OTOGL: variants seen among roughly 807,000 people sequenced by gnomAD.
The protein encoded by OTOGL is otogelin like, also known as otogelin-like protein.
In OTOGL, 285 loss-of-function variants were observed where a neutral mutation model predicts 318.5. The observed-to-expected ratio is 0.89, with a 90% confidence interval of 0.81 to 0.99. OTOGL has a LOEUF of 0.99. Among genes scored for constraint, OTOGL ranks in the 50% least tolerant of loss-of-function variants. The pLI is 0.00. For synonymous variants in OTOGL, 987 were observed against 936.5 expected, an observed-to-expected ratio of 1.05 and a Z score of -0.99; for missense variants, 2,899 against 2,845.6, an observed-to-expected ratio of 1.02 and a Z score of -0.43.
intron 52 of OTOGL, among the ~76,000 whole-genome samples, chr12:80,363,647 A>G (rs1180388394): frequency 6.6e-6 from 1 of 152,184 alleles, no homozygotes; most frequent in South Asian, 2.1e-4. Context: ...AAACATTACA[A>G]TGGCCAGTGG....
chr12:80,261,230 G>A (rs971597606), intron 18 of OTOGL, among the ~76,000 whole-genome samples: 2 of 152,128 alleles, frequency 1.3e-5, no homozygotes, highest in Non-Finnish European at 1.5e-5. Context: ...CTTCCTGCAG[G>A]AGATCTAGTT....
At chr12:80,183,895 A>G (rs1168072047) in intron 1 of OTOGL, among the ~76,000 whole-genome samples, 1 of 152,162 alleles carries the variant, frequency 6.6e-6, no homozygotes, top group East Asian at 1.9e-4. Flanking sequence ...CCCTAGGGAC[A>G]TTTCATTAAT....
chr12:80,326,937 G>A (rs1178128955), intron 35 of OTOGL, among the ~76,000 whole-genome samples: 4 of 152,140 alleles, frequency 2.6e-5, no homozygotes, highest in Admixed American at 2.6e-4. Flanking sequence ...GGAATGAAAC[G>A]AGGCCTTCAA....
In OTOGL at chr12:80,265,112, G is replaced by A. The variant is rs1254089492; in HGVS notation, c.2126G>A (p.Cys709Tyr). ...YQLCRHDACK[C>Y]GSSCLCNALA... Reference sequence around the variant, plus strand: ...CTATGCCGCCACGATGCATGCAAGTGTGGAAGCTCCTGCCTGTGCAATGCT... The same window carrying A: ...CTATGCCGCCACGATGCATGCAAGTATGGAAGCTCCTGCCTGTGCAATGCT... The change falls in exon 20 of 59, where the codon TGT (cysteine) becomes TAT (tyrosine). Residue 709 changes from cysteine to tyrosine, a missense_variant. Physicochemically the swap from Cys to Tyr is radical, Grantham distance 194. Around this residue, in one of 3 missense-constraint regions of OTOGL, gnomAD observed 2,607 missense variants for 2,524.9 expected, o/e 1.03. Coordinates refer to ENST00000547103, the MANE Select transcript of OTOGL (RefSeq NM_001378609.3). 6 of 1,613,792 alleles carry A rather than the reference G, an allele frequency of 3.7e-6. No individual in the cohort carries two copies. The highest frequency in any genetic ancestry group is 1.3e-5 in the African/African-American group (1 of 74,934).
At chr12:80,352,783 C>A (rs905597219) in intron 45 of OTOGL, among the ~76,000 whole-genome samples, 2 of 152,222 alleles carry the variant, frequency 1.3e-5, no homozygotes, top group Non-Finnish European at 2.9e-5. Context: ...ACCCCACCAT[C>A]TGAGCATTTA....
At chr12:80,203,507 A>C (rs1478795631) in intron 1 of OTOGL, among the ~76,000 whole-genome samples, 2 of 152,162 alleles carry the variant, frequency 1.3e-5, no homozygotes, top group Non-Finnish European at 2.9e-5. Flanking sequence ...GGAGGGCAGC[A>C]CCATTATTCC....
chr12:80,370,715 A>T lies in OTOGL; in HGVS notation c.6735+26A>T, dbSNP rs1450667635. ...GTTTGTACTTTGTTGTATCTAAGAA[A>T]ATTTATTATTATATAATTTAGAAAA... is the stretch of plus-strand genomic sequence containing the variant. On this transcript the variant is annotated intron_variant, in intron 56 of 58. Transcript: ENST00000547103. The T allele has an allele frequency of 2.7e-6, 4 of 1,458,422 alleles. No individual in the cohort carries two copies. In the African/African-American group the frequency reaches 4.3e-5, roughly 16 times the overall value. 90.3% of individuals were successfully genotyped at this position (1,458,422 alleles called of 1,614,324 possible).
At chr12:80,288,715 A>G (rs1884816053) in intron 26 of OTOGL, among the ~76,000 whole-genome samples, 1 of 151,800 alleles carries the variant, frequency 6.6e-6, no homozygotes, top group Non-Finnish European at 1.5e-5. Context: ...TGCTTCACGA[A>G]GTTCTCATGT....
chr12:80,123,982 G>C (rs551576163), intron 1 of OTOGL, among the ~76,000 whole-genome samples: 5 of 152,194 alleles, frequency 3.3e-5, no homozygotes, highest in African/African-American at 1.2e-4. Context: ...CTCCCATTCT[G>C]TAGGTTGCCT....
At chr12:80,142,732 GTC>G (rs1288577503) in intron 1 of OTOGL, among the ~76,000 whole-genome samples, 1 of 152,098 alleles carries the variant, frequency 6.6e-6, no homozygotes, top group Admixed American at 6.6e-5. Context: ...GCATTAGATA[GTC>G]TTAGGAAAAG....
At chr12:80,341,331 T>C (rs1888756469) in intron 43 of OTOGL, among the ~76,000 whole-genome samples, 1 of 152,102 alleles carries the variant, frequency 6.6e-6, no homozygotes, top group Non-Finnish European at 1.5e-5. Flanking sequence ...ACAATAGTTG[T>C]CCCTATGTTG....
rs116352065 is a variant in OTOGL, at chr12:80,354,043, C to A, written c.5593+533C>A. Among the ~76,000 whole-genome samples the A allele has an allele frequency of 4.6e-3, 697 of 152,188 alleles. 8 individuals are homozygous for A. The highest frequency in any genetic ancestry group is 0.016 in the African/African-American group (660 of 41,546). On this transcript the variant is annotated intron_variant, in intron 46 of 58. Transcript: ENST00000547103. ...CCAAAACTCATGTTGAGGTTCGATCCTCCGTGTGGCAGTGCTGGGAGGTGT... is the reference window on the plus strand; with the variant it reads ...CCAAAACTCATGTTGAGGTTCGATCATCCGTGTGGCAGTGCTGGGAGGTGT...
At chr12:80,141,193 A>G (rs1193796047) in intron 1 of OTOGL, among the ~76,000 whole-genome samples, 1 of 152,136 alleles carries the variant, frequency 6.6e-6, no homozygotes, top group African/African-American at 2.4e-5. Context: ...TGGTGGTTTC[A>G]AGGGAAAAAG....
At chr12:80,230,106 C>T (rs529128010) in intron 8 of OTOGL, among the ~76,000 whole-genome samples, 3 of 151,954 alleles carry the variant, frequency 2.0e-5, no homozygotes, top group African/African-American at 4.8e-5. Context: ...TATGCCAGAA[C>T]AAGTAAATTG....
chr12:80,353,139 C>T (rs983125534), intron 45 of OTOGL, among the ~76,000 whole-genome samples, 186 bp from the exon 46 acceptor site: 1 of 151,970 alleles, frequency 6.6e-6, no homozygotes, highest in Non-Finnish European at 1.5e-5. Flanking sequence ...ACAAAAAATG[C>T]AAAAAACAAA....
chr12:80,188,552 A>T (rs1043796926), intron 1 of OTOGL, among the ~76,000 whole-genome samples: 5 of 149,230 alleles, frequency 3.4e-5, no homozygotes, highest in Admixed American at 3.3e-4. Flanking sequence ...AAAAAATAAT[A>T]ATAATAATAA....
At chr12:80,122,248 A>G (rs940772886) in intron 1 of OTOGL, among the ~76,000 whole-genome samples, 1 of 151,754 alleles carries the variant, frequency 6.6e-6, no homozygotes, top group African/African-American at 2.4e-5. Flanking sequence ...ATTCCAATGT[A>G]TAAGCAAAAA....
Position 80,377,141 on chromosome 12 carries a change from T to C in OTOGL, c.6800T>C (p.Ile2267Thr). 6.2e-7 allele frequency: 1 copy of C among 1,607,230 alleles called. No individual in the cohort carries two copies. Among genetic ancestry groups the C allele is most frequent in the Non-Finnish European group, 8.5e-7 (1 of 1,176,172 alleles). ...CCKICKREER[I>T]CQKVIIKSVI... ...TTATCAGGCAAACGAGAAGAAAGAA[T>C]ATGCCAGAAAGTGATCATTAAATCG... The change falls in exon 58 of 59, where the codon ATA becomes ACA. Residue 2267 changes from isoleucine to threonine, a missense_variant. Ile to Thr is a moderately conservative substitution (Grantham distance 89). This residue lies in a region of OTOGL where 289 missense variants were observed against 304.6 expected (regional missense o/e 0.95). Coordinates refer to ENST00000547103, the MANE Select transcript of OTOGL (RefSeq NM_001378609.3).
chr12:80,126,929 G>A lies in OTOGL; in HGVS notation c.-20+27324G>A, dbSNP rs537478506. ...CTCCACCCTTTTATTTTGAGCCTAC[G>A]TGTGTCTCTGCACATGAGATGGGTT... On this transcript the variant is annotated intron_variant, in intron 1 of 58. Transcript: ENST00000547103. 3.0e-4 allele frequency among the ~76,000 whole-genome samples: 46 copies of A among 152,146 alleles called. No homozygotes were observed. In the South Asian group the frequency reaches 6.8e-3, roughly 23 times the overall value.
Sources: allele counts gnomAD v4.1 joint callset (sites outside exome capture counted in the v4.1 genomes callset), GRCh38; gene constraint gnomAD v4.1.1; regional missense constraint gnomAD v4.1.1; transcripts MANE v1.5; gene names NCBI Gene and HGNC (gene_info 2026-07-23, HGNC 2026-07-21).